The following RPS6KA5 variants were observed in gnomAD, a reference collection of about 807,000 sequenced individuals.
The protein encoded by RPS6KA5 is ribosomal protein S6 kinase alpha-5.
Under a neutral mutation model 85.5 loss-of-function variants are expected in RPS6KA5, and 27 were observed. The ratio of observed to expected loss-of-function variants is 0.32; its 90% CI spans 0.23 to 0.44. The LOEUF is 0.44. Among genes scored for constraint, RPS6KA5 ranks in the 20% least tolerant of loss-of-function variants. The pLI, the probability that RPS6KA5 is intolerant of heterozygous loss-of-function variation, is 1.00. For synonymous variants in RPS6KA5, 334 were observed against 348.2 expected, an observed-to-expected ratio of 0.96 and a Z score of 0.46; for missense variants, 811 against 980.9, an observed-to-expected ratio of 0.83 and a Z score of 2.31.
chr14:90,896,562 C>T (rs573748676), intron 12 of RPS6KA5, among the ~76,000 whole-genome samples: 1 of 152,110 alleles, frequency 6.6e-6, no homozygotes, highest in East Asian at 1.9e-4. Flanking sequence ...TCAGAGTTAG[C>T]AGTATGAGAT....
chr14:90,915,364 G>A (rs948479129), intron 7 of RPS6KA5, among the ~76,000 whole-genome samples: 9 of 152,144 alleles, frequency 5.9e-5, no homozygotes, highest in Admixed American at 4.6e-4. Flanking sequence ...GCGTGATTAG[G>A]TTACAAGGCA....
intron 5 of RPS6KA5, among the ~76,000 whole-genome samples, chr14:90,930,975 T>G (rs964605951): frequency 1.3e-5 from 2 of 152,174 alleles, no homozygotes; most frequent in Non-Finnish European, 2.9e-5. Context: ...TGGAAAATAG[T>G]ATAAATGTTC....
intron 5 of RPS6KA5, 27 bp downstream of exon 5, chr14:90,943,051 A>T: frequency 7.9e-7 from 1 of 1,262,356 alleles, no homozygotes; most frequent in South Asian, 1.2e-5. Flanking sequence ...TGCTGTTATT[A>T]CTAACTTCAA....
intron 5 of RPS6KA5, among the ~76,000 whole-genome samples, chr14:90,938,091 G>T (rs896651305): frequency 1.3e-5 from 2 of 152,188 alleles, no homozygotes; most frequent in Non-Finnish European, 2.9e-5. Flanking sequence ...GACACAACAG[G>T]AGTACAGGCA....
At chr14:90,930,251 A>C (rs1477450283) in intron 5 of RPS6KA5, among the ~76,000 whole-genome samples, 1 of 152,220 alleles carries the variant, frequency 6.6e-6, no homozygotes, top group African/African-American at 2.4e-5. Context: ...GAGCCTAAAA[A>C]CAGACTCGTA....
rs1479457223 is a variant in RPS6KA5 at position 90,906,303 on chromosome 14, T to C, written c.807-4A>G. 6.4e-7 allele frequency: 1 copy of C among 1,565,230 alleles called. No homozygotes were observed. On this transcript the variant is annotated splice_region_variant and splice_polypyrimidine_tract_variant and intron_variant, in intron 7 of 16. Transcript: ENST00000614987. ...AGGCTCACTTTTTAATATTCTCCTG[T>C]AGGCAGACAAAACTTGCTGTTAAAA...
rs969460899 is a variant in RPS6KA5 at position 90,856,709 on chromosome 14, C to A, written c.*15365G>T. ...TAAGATAAAATTCATTTTAAGTGTACCATTCATTGTTTTTTACTACATTTA... is the reference window on the plus strand; with the variant it reads ...TAAGATAAAATTCATTTTAAGTGTAACATTCATTGTTTTTTACTACATTTA... On this transcript the variant is annotated 3_prime_UTR_variant, in exon 17 of 17. Coordinates refer to ENST00000614987, the MANE Select transcript of RPS6KA5 (RefSeq NM_004755.4). 4 of 152,144 alleles carry A rather than the reference C, an allele frequency of 2.6e-5. No individual in the cohort carries two copies. Among genetic ancestry groups the A allele is most frequent in the African/African-American group, 9.7e-5 (4 of 41,388 alleles). 9.4% of individuals were successfully genotyped at this position (152,144 alleles called of 1,614,324 possible). A position where few individuals can be genotyped will look rare whatever the true frequency, so the allele number is the denominator to read the frequency against.
chr14:90,877,147 G>A (rs1481346784), intron 14 of RPS6KA5, among the ~76,000 whole-genome samples: 1 of 152,206 alleles, frequency 6.6e-6, no homozygotes, highest in African/African-American at 2.4e-5. Flanking sequence ...CTTTGGACAA[G>A]TTTGGATTTT....
intron 1 of RPS6KA5, among the ~76,000 whole-genome samples, chr14:91,034,368 G>C (rs8021252): frequency 0.13 from 20,140 of 151,832 alleles, 1,545 homozygotes; most frequent in East Asian, 0.31. Flanking sequence ...AGCTGTCTGA[G>C]GTGATGAGAG....
chr14:90,979,899 G>A (rs1433040065), intron 2 of RPS6KA5, among the ~76,000 whole-genome samples: 1 of 152,132 alleles, frequency 6.6e-6, no homozygotes, highest in South Asian at 2.1e-4. Context: ...GTGACTCCAG[G>A]GACCACACTC....
At chr14:90,881,452 CAA>C (rs375439250) in intron 14 of RPS6KA5, among the ~76,000 whole-genome samples, 18 of 125,980 alleles carry the variant, frequency 1.4e-4, no homozygotes, top group South Asian at 2.6e-4. Flanking sequence ...GACTCTGTCT[CAA>C]AAAAAAAAAA....
At chr14:90,907,413 C>A (rs2035571729) in intron 7 of RPS6KA5, among the ~76,000 whole-genome samples, 1 of 152,098 alleles carries the variant, frequency 6.6e-6, no homozygotes, top group Non-Finnish European at 1.5e-5. Flanking sequence ...TCAGTACTTA[C>A]CTAAAATAGG....
At chr14:90,885,238 G>A (rs1465304589) in intron 14 of RPS6KA5, among the ~76,000 whole-genome samples, 1 of 143,816 alleles carries the variant, frequency 7.0e-6, no homozygotes, top group Non-Finnish European at 1.5e-5. Flanking sequence ...GGGCAACAGA[G>A]CAGGATCTTG....
At chr14:90,884,459 G>A (rs1595121213) in intron 14 of RPS6KA5, among the ~76,000 whole-genome samples, 1 of 152,162 alleles carries the variant, frequency 6.6e-6, no homozygotes, top group Non-Finnish European at 1.5e-5. Context: ...AAAGAAATCC[G>A]AAATCCAAAA....
intron 1 of RPS6KA5, among the ~76,000 whole-genome samples, chr14:91,020,614 TTGTGTGTGTG>T (rs71117396): frequency 2.3e-4 from 21 of 91,326 alleles, no homozygotes; most frequent in East Asian, 3.7e-4. Flanking sequence ...ATATATCCTA[TTGTGTGTGTG>T]TGTGTGTGTG....
Position 90,853,665 on chromosome 14 carries a change from AAT to A in RPS6KA5, c.*18407_*18408del, listed in dbSNP as rs1192143638. On this transcript the variant is annotated 3_prime_UTR_variant, in exon 17 of 17. Coordinates refer to ENST00000614987, the MANE Select transcript of RPS6KA5 (RefSeq NM_004755.4). ...ATGGTGAAACCCCATCTCTACTAAA[AAT>A]ACAAAAAAAAAAAAAAAAACCCTAA... is the stretch of plus-strand genomic sequence containing the variant. 2.0e-5 allele frequency: 2 copies of A among 98,202 alleles called. No individual in the cohort carries two copies. The highest frequency in any genetic ancestry group is 9.7e-5 in the Admixed American group (1 of 10,276). The allele number at this position is 98,202 out of a possible 1,614,324, so 6.1% of individuals were successfully genotyped here. A position where few individuals can be genotyped will look rare whatever the true frequency, so the allele number is the denominator to read the frequency against.
At chr14:90,876,545 A>G (rs1010233899) in intron 14 of RPS6KA5, among the ~76,000 whole-genome samples, 8 of 152,224 alleles carry the variant, frequency 5.3e-5, no homozygotes, top group African/African-American at 1.9e-4. Flanking sequence ...TGGATTTTAG[A>G]AAAGTGATCC....
At chr14:90,889,417 A>G (rs372751697) in intron 14 of RPS6KA5, among the ~76,000 whole-genome samples, 2 of 152,252 alleles carry the variant, frequency 1.3e-5, no homozygotes, top group East Asian at 3.9e-4. Context: ...TCACAATGGG[A>G]TATCATTTCA....
chr14:91,051,263 TAA>T (rs2043067967), intron 1 of RPS6KA5, among the ~76,000 whole-genome samples: 1 of 149,572 alleles, frequency 6.7e-6, no homozygotes, highest in African/African-American at 2.5e-5. Context: ...AATAAATAAA[TAA>T]ATAAATAAAT....
Sources: gnomAD v4.1 joint callset for allele counts (sites outside exome capture counted in the v4.1 genomes callset) on GRCh38, gnomAD v4.1.1 for gene constraint, MANE v1.5 for transcripts, NCBI Gene and HGNC (gene_info 2026-07-23, HGNC 2026-07-21) for gene names.